TANGO2: variants seen among roughly 807,000 people sequenced by gnomAD.
The protein encoded by TANGO2 is transport and Golgi organization protein 2 homolog.
A neutral mutation model predicts 39.1 loss-of-function variants in TANGO2; 26 were observed. The observed-to-expected ratio is 0.67, with a 90% CI of 0.49 to 0.92. TANGO2 has a LOEUF of 0.92. Ranked by LOEUF, TANGO2 falls within the 40% of genes least tolerant of loss-of-function variation. TANGO2 has a pLI of 0.00. For missense variants in TANGO2, 326 were observed against 360.1 expected, an observed-to-expected ratio of 0.91 and a Z score of 0.77; for synonymous variants, 131 against 144.5, an observed-to-expected ratio of 0.91 and a Z score of 0.67.
chr22:20,023,795 T>G (rs145679795), intron 1 of TANGO2, among the ~76,000 whole-genome samples: 3,727 of 151,482 alleles, frequency 0.025, 172 homozygotes, highest in African/African-American at 0.086. Context: ...GAGGCAGAGC[T>G]TGCAGTGAGC....
intron 7 of TANGO2, 31 bp from the exon 8 acceptor site, chr22:20,063,307 C>T: frequency 1.9e-6 from 3 of 1,602,332 alleles, no homozygotes; most frequent in Non-Finnish European, 2.6e-6. Flanking sequence ...CACAGAGGGA[C>T]TAATGGCCAC....
intron 6 of TANGO2, chr22:20,058,094 G>A (rs1890712722): frequency 6.6e-6 from 1 of 151,894 alleles, no homozygotes; most frequent in Admixed American, 6.5e-5. Context: ...CATTTAAAGT[G>A]TATCATTCAG....
At position 20,055,894 on chromosome 22, in the gene TANGO2, G is replaced by C. The variant is rs765935455; in HGVS notation, c.381-49G>C. 4.6e-6 allele frequency: 7 copies of C among 1,513,994 alleles called. No homozygotes were observed. The South Asian group carries it at 7.9e-5, about 17-fold the overall frequency. The allele number at this position is 1,513,994 out of a possible 1,614,324, so 93.8% of individuals were successfully genotyped here. On this transcript the variant is annotated intron_variant, in intron 5 of 8. Transcript: ENST00000327374. ...TGTGAGATCACCGGGCAGTGTCGGGGAGGACGCCCTATGGCTGTAGTCTGA... is the reference window on the plus strand; with the variant it reads ...TGTGAGATCACCGGGCAGTGTCGGGCAGGACGCCCTATGGCTGTAGTCTGA...
At chr22:20,049,648 G>A (rs1370690399) in intron 3 of TANGO2, among the ~76,000 whole-genome samples, 85 of 138,696 alleles carry the variant, frequency 6.1e-4, no homozygotes, top group African/African-American at 2.1e-3. Context: ...TAACAAGAGC[G>A]AAACTCTGTC....
chr22:20,025,006 T>C (rs2040452598), intron 1 of TANGO2, among the ~76,000 whole-genome samples: 1 of 151,812 alleles, frequency 6.6e-6, no homozygotes, highest in South Asian at 2.1e-4. Flanking sequence ...TCCCTGCCCA[T>C]AGAAATGTCC....
Position 20,034,442 on chromosome 22 carries a change from C to T in TANGO2, c.-39-2318C>T, listed in dbSNP as rs146226086. ...TCTTTGAAAAATGATTTTGAGACTT[C>T]TTTGAAGTATAGGATGAAGGTATCT... On this transcript the variant is annotated intron_variant, in intron 1 of 8. Transcript: ENST00000327374. 5.3e-3 allele frequency among the ~76,000 whole-genome samples: 811 copies of T among 152,292 alleles called. 3 individuals are homozygous for T. The highest frequency in any genetic ancestry group is 0.017 in the Middle Eastern group (5 of 294).
At chr22:20,044,057 G>A (rs1173957305) in intron 3 of TANGO2, among the ~76,000 whole-genome samples, 1 of 152,184 alleles carries the variant, frequency 6.6e-6, no homozygotes, top group Non-Finnish European at 1.5e-5. Flanking sequence ...CCATGGGGTG[G>A]TGGGAGTCTA....
chr22:20,021,127 C>G lies in TANGO2; in HGVS notation c.-159C>G, dbSNP rs1218405981. On this transcript the variant is annotated 5_prime_UTR_variant, in exon 1 of 9. Transcript: ENST00000327374. ...GGCACCCGGAAGTCGGCGGCGGTGG[C>G]GGAGGCGGTGAGTGCGCGGCTCCGG... 4.6e-5 allele frequency: 7 copies of G among 153,678 alleles called. No homozygotes were observed. Among genetic ancestry groups the G allele is most frequent in the African/African-American group, 1.7e-4 (7 of 41,438 alleles). The allele number at this position is 153,678 out of a possible 1,614,324, so 9.5% of individuals were successfully genotyped here.
chr22:20,038,348 G>A (rs2043247836), intron 2 of TANGO2, among the ~76,000 whole-genome samples: 1 of 152,204 alleles, frequency 6.6e-6, no homozygotes, highest in Non-Finnish European at 1.5e-5. Context: ...CAGGAAACTA[G>A]CACGCTGAGG....
In TANGO2 at chr22:20,061,537, C is replaced by T. The variant is rs535057165; in HGVS notation, c.459C>T (p.Tyr153=). 18 of 1,604,768 alleles carry T rather than the reference C, an allele frequency of 1.1e-5. No homozygotes were observed. The highest frequency in any genetic ancestry group is 4.0e-5 in the African/African-American group (3 of 74,982). ...PDPIVLTPGT[Y]GLSNALLETP... ...GCTGATTGCTCCTCACAGGCACCTA[C>T]GGGCTGAGCAACGCGCTGCTGGAGA... Residue 153 remains tyrosine, a synonymous_variant, in exon 7 of 9, where the codon TAC becomes TAT. Transcript: ENST00000327374.
At chr22:20,054,003 C>A in intron 5 of TANGO2, 1 of 327,412 alleles carries the variant, frequency 3.1e-6, no homozygotes, top group Non-Finnish European at 6.0e-6. Flanking sequence ...TCCCTCCTGC[C>A]CTCCTCCCCC....
chr22:20,064,828 GC>G lies in TANGO2; in HGVS notation c.*169del. The G allele has an allele frequency of 1.2e-6, 1 of 857,722 alleles. No homozygotes were observed. Among genetic ancestry groups the G allele is most frequent in the Non-Finnish European group, 1.7e-6 (1 of 572,696 alleles). 53.1% of individuals were successfully genotyped at this position (857,722 alleles called of 1,614,324 possible). On this transcript the variant is annotated 3_prime_UTR_variant, in exon 9 of 9. Coordinates refer to ENST00000327374, the MANE Select transcript of TANGO2 (RefSeq NM_152906.7). ...GCGTGTTACCCATCTGTGTCCCCAT[GC>G]CCAGTTCAGGGTCTGCCTTTATGCC...
rs748065937 is a variant in TANGO2, at chr22:20,056,009, G to A, written c.447G>A (p.Thr149=). 4.3e-6 allele frequency: 7 copies of A among 1,613,690 alleles called. No homozygotes were observed. Among genetic ancestry groups the A allele is most frequent in the Non-Finnish European group, 5.9e-6 (7 of 1,179,580 alleles). ...NRGEPDPIVL[T]PGTYGLSNAL... is the part of the protein sequence containing the mutation. ...GGGAGCCTGATCCTATCGTTTTGACGCCAGGTGAGCCTGCCCTGGCAGCCT... is the reference window on the plus strand; with the variant it reads ...GGGAGCCTGATCCTATCGTTTTGACACCAGGTGAGCCTGCCCTGGCAGCCT... Residue 149 remains threonine, a synonymous_variant, in exon 6 of 9, where the codon ACG becomes ACA. Transcript: ENST00000327374.
At chr22:20,029,619 G>A (rs1224541955) in intron 1 of TANGO2, among the ~76,000 whole-genome samples, 1 of 152,156 alleles carries the variant, frequency 6.6e-6, no homozygotes, top group East Asian at 1.9e-4. Flanking sequence ...CTCCAGGAGT[G>A]TGGGGGGAAC....
At chr22:20,033,275 T>A in intron 1 of TANGO2, 2 of 516,444 alleles carry the variant, frequency 3.9e-6, no homozygotes, top group South Asian at 2.9e-5. Context: ...ACACCTCCAG[T>A]GCCAGGCTGT....
At chr22:20,055,879 C>A in intron 5 of TANGO2, 64 bp from the exon 6 acceptor site, 1 of 1,397,588 alleles carries the variant, frequency 7.2e-7, no homozygotes, top group Non-Finnish European at 1.0e-6. Flanking sequence ...TGTGAGATCA[C>A]CGGGCAGTGT....
chr22:20,061,481 G>A, intron 6 of TANGO2, 49 bp from the exon 7 acceptor site: 1 of 1,545,220 alleles, frequency 6.5e-7, no homozygotes. Context: ...AATTTGCCCT[G>A]ACATGGCACA....
chr22:20,062,261 CG>C (rs2048523016), intron 7 of TANGO2, among the ~76,000 whole-genome samples: 1 of 152,162 alleles, frequency 6.6e-6, no homozygotes, highest in South Asian at 2.1e-4. Context: ...TTGCCCCAGC[CG>C]GGGGTCCTGG....
intron 1 of TANGO2, among the ~76,000 whole-genome samples, chr22:20,024,267 T>C (rs1421481557): frequency 6.6e-6 from 1 of 152,194 alleles, no homozygotes; most frequent in Non-Finnish European, 1.5e-5. Context: ...TGTAAACTGG[T>C]GAGCTCTTGC....
Sources: gnomAD v4.1 joint callset for allele counts (sites outside exome capture counted in the v4.1 genomes callset) on GRCh38, gnomAD v4.1.1 for gene constraint, MANE v1.5 for transcripts, NCBI Gene and HGNC (gene_info 2026-07-23, HGNC 2026-07-21) for gene names.